Variants in RNF135 observed in about 807,000 individuals in gnomAD.
The protein encoded by RNF135 is E3 ubiquitin-protein ligase RNF135.
A neutral mutation model predicts 41.9 loss-of-function variants in RNF135; 46 were observed. That is an observed-to-expected ratio of 1.10 (90% CI 0.87 to 1.40). RNF135 has a LOEUF of 1.40. RNF135 is among the 40% of genes most tolerant of loss of function. RNF135 has a pLI of 0.00. For missense variants in RNF135, 539 were observed against 549.8 expected, an observed-to-expected ratio of 0.98 and a Z score of 0.20; for synonymous variants, 238 against 223.8, an observed-to-expected ratio of 1.06 and a Z score of -0.57.
intron 4 of RNF135, among the ~76,000 whole-genome samples, chr17:30,998,218 C>T (rs1298822107): frequency 9.2e-5 from 14 of 152,100 alleles, no homozygotes; most frequent in Admixed American, 9.2e-4. Context: ...GCTGAAGGAG[C>T]TGGCCTGATT....
chr17:30,984,748 C>A lies in RNF135; in HGVS notation c.504C>A (p.Ser168Arg), dbSNP rs149706272. The change falls in exon 2 of 5, where the codon AGC becomes AGA. Residue 168 changes from serine (S) to arginine (R), a missense_variant. Transcript: ENST00000328381. ...AATCTGGACCAGACAACGAACTGAG[C>A]ATCCTGGGCAAGGTAGGCTCCACTG... The part of the protein sequence containing the change: ...LSESGPDNEL[S>R]ILGKAFSSGV... The A allele has an allele frequency of 2.5e-6, 4 of 1,614,134 alleles. No homozygotes were observed. The highest frequency in any genetic ancestry group is 1.7e-5 in the Admixed American group (1 of 60,022).
At chr17:30,996,158 C>T (rs1193478656) in intron 3 of RNF135, among the ~76,000 whole-genome samples, 5 of 144,076 alleles carry the variant, frequency 3.5e-5, no homozygotes, top group Admixed American at 7.1e-5. Flanking sequence ...GGTGCGATCT[C>T]GGCTGACTGC....
intron 1 of RNF135, among the ~76,000 whole-genome samples, chr17:30,973,790 C>T (rs1906209071): frequency 6.6e-6 from 1 of 152,072 alleles, no homozygotes; most frequent in Non-Finnish European, 1.5e-5. Flanking sequence ...ATGGTTTTAG[C>T]TTACGTTTAG....
At chr17:30,987,633 G>A (rs77156248) in intron 2 of RNF135, among the ~76,000 whole-genome samples, 3 of 151,992 alleles carry the variant, frequency 2.0e-5, no homozygotes, top group Non-Finnish European at 2.9e-5. Context: ...AAACTTTTTT[G>A]GTATTACCTA....
chr17:30,978,801 TG>T (rs1386216320), intron 1 of RNF135: 1 of 123,964 alleles, frequency 8.1e-6, no homozygotes, highest in Non-Finnish European at 1.6e-5. Flanking sequence ...TAGGGAGTGG[TG>T]ATGACTCTTA....
chr17:30,997,412 C>CAGTAGGGAGATGGA, intron 4 of RNF135, 81 bp downstream of exon 4: 1 of 1,158,042 alleles, frequency 8.6e-7, no homozygotes, highest in Non-Finnish European at 1.3e-6. Flanking sequence ...CATCTCCCTA[C>CAGTAGGGAGATGGA]TGCTAGGGCC....
chr17:30,967,649 T>G (rs1442894104), upstream of RNF135, among the ~76,000 whole-genome samples: 1 of 151,948 alleles, frequency 6.6e-6, no homozygotes, highest in Non-Finnish European at 1.5e-5. Flanking sequence ...TGTAATTCTG[T>G]GGAGGAAATG....
the RNF135 span, among the ~76,000 whole-genome samples, chr17:30,963,749 G>T: frequency 6.8e-4 from 104 of 152,226 alleles, no homozygotes; most frequent in Admixed American, 1.4e-3. Context: ...TTAAGGTTAG[G>T]GTTCATGACT....
the RNF135 span, among the ~76,000 whole-genome samples, chr17:30,962,905 A>G: frequency 3.3e-5 from 5 of 152,168 alleles, no homozygotes; most frequent in Non-Finnish European, 5.9e-5. Flanking sequence ...TGAGAGTTCC[A>G]GTTACTCTAT....
intron 1 of RNF135, among the ~76,000 whole-genome samples, chr17:30,983,645 C>T (rs532883273): frequency 1.3e-5 from 2 of 151,640 alleles, no homozygotes; most frequent in African/African-American, 4.8e-5. Flanking sequence ...TGAGCTATTG[C>T]GCCTGGCCTA....
At chr17:30,964,535 C>T in the RNF135 span, among the ~76,000 whole-genome samples, 3 of 151,774 alleles carry the variant, frequency 2.0e-5, no homozygotes, top group African/African-American at 2.4e-5. Context: ...ACCCAAGAGG[C>T]GGAGTTTGCA....
intron 1 of RNF135, among the ~76,000 whole-genome samples, chr17:30,979,746 T>C (rs1205131776): frequency 1.9e-5 from 2 of 103,450 alleles, no homozygotes; most frequent in Non-Finnish European, 3.9e-5. Flanking sequence ...ACGGGGCGGC[T>C]GGCCGGGCAG....
At chr17:30,965,282 AGT>A in the RNF135 span, 1 of 152,102 alleles carries the variant, frequency 6.6e-6, no homozygotes, top group Non-Finnish European at 1.5e-5. Flanking sequence ...TCCAGGCTGC[AGT>A]GAGCAGAGAT....
At chr17:30,975,900 G>A in intron 1 of RNF135, 1 of 620,644 alleles carries the variant, frequency 1.6e-6, no homozygotes, top group South Asian at 2.2e-5. Context: ...TCCCAAGTTT[G>A]GGCTCCAAGC....
At chr17:30,970,993 G>A (rs1439496681), upstream of RNF135, 6 of 1,519,274 alleles carry the variant, frequency 3.9e-6, no homozygotes, top group African/African-American at 5.6e-5. Context: ...GAGGGCAAGG[G>A]GAAGAGGAAG....
chr17:30,964,734 G>A, the RNF135 span, among the ~76,000 whole-genome samples: 1 of 149,320 alleles, frequency 6.7e-6, no homozygotes, highest in Admixed American at 6.7e-5. Context: ...GCCCAGGCTC[G>A]AGTACAGTGG....
intron 1 of RNF135, chr17:30,980,320 C>A (rs1225825369): frequency 7.1e-6 from 1 of 140,176 alleles, no homozygotes; most frequent in Non-Finnish European, 1.5e-5. Context: ...GACGGGGCGG[C>A]CGGCCGGGCG....
Position 30,998,913 on chromosome 17 carries a change from G to T in RNF135, c.1021G>T (p.Gly341Ter). 1 of 1,612,604 alleles carries T rather than the reference G, an allele frequency of 6.2e-7. No individual in the cohort carries two copies. The highest frequency in any genetic ancestry group is 8.5e-7 in the Non-Finnish European group (1 of 1,178,844). ...GGAGATGAGCCGCGACCAGGTCCTG[G>T]GAAGGACTATGGACTCTTGTTGTGT... ...SWEMSRDQVL[G>*]RTMDSCCVEW... Residue 341 changes from glycine to a stop codon, truncating the protein, a stop_gained, in exon 5 of 5, where the codon GGA (glycine) becomes TGA (stop). Coordinates refer to ENST00000328381, the MANE Select transcript of RNF135 (RefSeq NM_032322.4). LOFTEE classifies it high-confidence loss of function.
At chr17:30,965,697 G>GAGA in the RNF135 span, among the ~76,000 whole-genome samples, 3 of 152,222 alleles carry the variant, frequency 2.0e-5, no homozygotes, top group Non-Finnish European at 4.4e-5. Flanking sequence ...GGCCATGTGG[G>GAGA]AGAAGTGGAA....
Sources: gnomAD v4.1 joint callset for allele counts (sites outside exome capture counted in the v4.1 genomes callset) on GRCh38, gnomAD v4.1.1 for gene constraint, MANE v1.5 for transcripts, NCBI Gene and HGNC (gene_info 2026-07-23, HGNC 2026-07-21) for gene names.